CDK19: variants seen among roughly 807,000 people sequenced by gnomAD.
CDK19 encodes cyclin dependent kinase 19.
In CDK19, 20 loss-of-function variants were observed where a neutral mutation model predicts 68.3. The ratio of observed to expected loss-of-function variants is 0.29; its 90% CI spans 0.21 to 0.43. The LOEUF is 0.43. Among genes scored for constraint, CDK19 ranks in the 20% least tolerant of loss-of-function variants. The probability of loss-of-function intolerance (pLI) is 1.00; values close to 1 mark genes in which losing one functional copy is unlikely to be tolerated. For missense variants in CDK19, 339 were observed against 623.5 expected (o/e 0.54, Z 4.86); for synonymous variants, 221 against 222.8 (o/e 0.99, Z 0.07).
chr6:110,719,972 G>GCTCCCCCCCCC (rs1554211507), intron 2 of CDK19, among the ~76,000 whole-genome samples: 11 of 45,520 alleles, frequency 2.4e-4, no homozygotes, highest in Non-Finnish European at 3.4e-4. Context: ...CTTGTGATCC[G>GCTCCCCCCCCC]CCCCCCCCCC....
intron 4 of CDK19, among the ~76,000 whole-genome samples, chr6:110,663,181 A>C (rs1781720922): frequency 6.6e-6 from 1 of 152,178 alleles, no homozygotes; most frequent in Non-Finnish European, 1.5e-5. Context: ...GATGGTGAGC[A>C]CTCAGTTGTG....
intron 4 of CDK19, among the ~76,000 whole-genome samples, chr6:110,643,734 A>C (rs1013032312): frequency 6.6e-6 from 1 of 152,102 alleles, no homozygotes; most frequent in Non-Finnish European, 1.5e-5. Context: ...TTGGTGTAGA[A>C]ATGCAACTGG....
At chr6:110,705,993 T>A (rs1044924794) in intron 2 of CDK19, among the ~76,000 whole-genome samples, 2 of 152,064 alleles carry the variant, frequency 1.3e-5, no homozygotes, top group Non-Finnish European at 2.9e-5. Context: ...ACTTAAAGTA[T>A]AATAAAAAAT....
chr6:110,807,764 T>C (rs964244186), intron 1 of CDK19, among the ~76,000 whole-genome samples: 3 of 152,198 alleles, frequency 2.0e-5, no homozygotes, highest in South Asian at 4.1e-4. Flanking sequence ...CCCAGCCACA[T>C]TGTATATTTT....
chr6:110,696,575 T>C (rs1773504487), intron 2 of CDK19, among the ~76,000 whole-genome samples: 2 of 152,154 alleles, frequency 1.3e-5, no homozygotes, highest in Non-Finnish European at 2.9e-5. Context: ...CTTGCTGATA[T>C]GATTGTATAC....
rs757735086 is a variant in CDK19 at position 110,614,475 on chromosome 6, G to GCAGA, written c.*56_*59dup. The GCAGA allele has an allele frequency of 6.9e-4, 1,079 of 1,560,098 alleles. 1 individual carries two copies. Among genetic ancestry groups the GCAGA allele is most frequent in the Non-Finnish European group, 9.0e-4 (1,032 of 1,146,630 alleles). On this transcript the variant is annotated 3_prime_UTR_variant, in exon 13 of 13. Transcript: ENST00000368911. The stretch of plus-strand genomic sequence containing the variant: ...TTGCATTTTTTTGGTTCTTTTCAAT[G>GCAGA]CAGACATATTGCTGGAGCCTGTGCT...
At chr6:110,802,126 T>C (rs62420309) in intron 1 of CDK19, among the ~76,000 whole-genome samples, 13,673 of 152,200 alleles carry the variant, frequency 0.09, 778 homozygotes, top group Middle Eastern at 0.13. Flanking sequence ...AGTTTGGAGA[T>C]TCCTCCAAGA....
chr6:110,634,316 A>C (rs1180854749), intron 5 of CDK19, among the ~76,000 whole-genome samples: 3 of 152,294 alleles, frequency 2.0e-5, no homozygotes, highest in Admixed American at 2.0e-4. Flanking sequence ...TCCTAGGTTC[A>C]AGCGATTCTC....
At position 110,614,537 on chromosome 6, in the gene CDK19, A is replaced by G. The variant is rs377400438; in HGVS notation, c.1507T>C (p.Ter503ArgextTer34). The change falls in exon 13 of 13, where the codon TGA (stop) becomes CGA (arginine). Residue 503 changes from the stop codon to arginine (R), a stop_lost. Transcript: ENST00000368911. ...TGGCCTGGCCCAACGGGAGCTGGTC[A>G]GTACCGGTGGGCCTGGTGAGATGGG... is the stretch of plus-strand genomic sequence containing the variant. ...YHPSHQAHRY[*>R] 6.2e-7 allele frequency: 1 copy of G among 1,613,820 alleles called. No individual in the cohort carries two copies. Among genetic ancestry groups the G allele is most frequent in the African/African-American group, 1.3e-5 (1 of 74,926 alleles).
intron 4 of CDK19, among the ~76,000 whole-genome samples, chr6:110,651,962 G>A (rs1013783349): frequency 1.3e-5 from 2 of 151,894 alleles, no homozygotes; most frequent in African/African-American, 2.4e-5. Flanking sequence ...AACAAGAGTC[G>A]ATGAAAGATT....
intron 1 of CDK19, among the ~76,000 whole-genome samples, chr6:110,779,757 A>C (rs1401837651): frequency 6.6e-6 from 1 of 152,084 alleles, no homozygotes; most frequent in Non-Finnish European, 1.5e-5. Flanking sequence ...CTCTACAATA[A>C]ATAAATAAAT....
chr6:110,662,956 T>C (rs1432626533), intron 4 of CDK19, among the ~76,000 whole-genome samples: 3 of 152,168 alleles, frequency 2.0e-5, no homozygotes, highest in Non-Finnish European at 4.4e-5. Flanking sequence ...AATTCTAGGA[T>C]TCGAATGACA....
At chr6:110,719,739 GT>G (rs1775678950) in intron 2 of CDK19, among the ~76,000 whole-genome samples, 1 of 151,780 alleles carries the variant, frequency 6.6e-6, no homozygotes, top group Non-Finnish European at 1.5e-5. Flanking sequence ...TTTTTGTTTT[GT>G]TTTGTTTTGA....
At chr6:110,738,655 T>A (rs973054211) in intron 2 of CDK19, among the ~76,000 whole-genome samples, 6 of 152,178 alleles carry the variant, frequency 3.9e-5, no homozygotes, top group Admixed American at 2.6e-4. Context: ...TTGGTAGAAA[T>A]TAAATTAAAA....
At chr6:110,754,582 C>A (rs1172440164) in intron 1 of CDK19, among the ~76,000 whole-genome samples, 2 of 151,534 alleles carry the variant, frequency 1.3e-5, no homozygotes, top group Non-Finnish European at 2.9e-5. Flanking sequence ...TGGGTTCAAG[C>A]GATTCTCATG....
intron 1 of CDK19, among the ~76,000 whole-genome samples, chr6:110,807,928 C>T (rs976467567): frequency 6.6e-6 from 1 of 151,822 alleles, no homozygotes; most frequent in African/African-American, 2.4e-5. Context: ...CCACCTCATC[C>T]GGCCATAAAA....
rs376980146 is a variant in CDK19 at position 110,809,313 on chromosome 6, G to A, written c.128+5696C>T. Reference sequence around the variant, plus strand: ...AAGGATCACTGGAGCCCAGGAGTTCGAGACCAGCCTGGGCAACACAGTGAA... The same window carrying A: ...AAGGATCACTGGAGCCCAGGAGTTCAAGACCAGCCTGGGCAACACAGTGAA... On this transcript the variant is annotated intron_variant, in intron 1 of 12. Transcript: ENST00000368911. Among the ~76,000 whole-genome samples, 36 of 151,666 alleles carry A rather than the reference G, an allele frequency of 2.4e-4. No homozygotes were observed. In the South Asian group the frequency reaches 5.2e-3, roughly 22 times the overall value.
At chr6:110,814,032 A>C (rs1427499288) in intron 1 of CDK19, 1 of 153,076 alleles carries the variant, frequency 6.5e-6, no homozygotes, top group Non-Finnish European at 1.5e-5. Context: ...AGGACCAAGA[A>C]AGGACAGGTA....
intron 8 of CDK19, among the ~76,000 whole-genome samples, chr6:110,623,823 C>T (rs1352769657): frequency 1.4e-5 from 2 of 145,760 alleles, no homozygotes; most frequent in Non-Finnish European, 3.0e-5. Flanking sequence ...TATACACATA[C>T]ATATACACAT....
Sources: allele counts gnomAD v4.1 joint callset (sites outside exome capture counted in the v4.1 genomes callset), GRCh38; gene constraint gnomAD v4.1.1; transcripts MANE v1.5; gene names NCBI Gene and HGNC (gene_info 2026-07-23, HGNC 2026-07-21).